Variants in ADAMTS18 observed in about 807,000 individuals in gnomAD.
The protein encoded by ADAMTS18 is ADAM metallopeptidase with thrombospondin type 1 motif 18.
A neutral mutation model predicts 165.9 loss-of-function variants in ADAMTS18; 157 were observed. The ratio of observed to expected loss-of-function variants is 0.95; its 90% CI spans 0.83 to 1.08. The LOEUF (loss-of-function observed/expected upper bound fraction) is 1.08. ADAMTS18 is among the 50% of genes least tolerant of loss of function. ADAMTS18 has a pLI of 0.00. For missense variants in ADAMTS18, 2,040 were observed against 1,534.0 expected (o/e 1.33, Z -5.51); for synonymous variants, 782 against 578.2 (o/e 1.35, Z -5.06).
rs758617798 is a variant in ADAMTS18 at position 77,289,271 on chromosome 16, T to C, written c.3543A>G (p.Glu1181=). The change falls in exon 22 of 23, where the codon GAA becomes GAG. Residue 1181 remains glutamate (E), a synonymous_variant. Transcript: ENST00000282849. ...AGCATGGTGCCTTTTTACCTCTCTT[T>C]TCAGGAGCTGGACAGAAGTTTGTAT... The part of the protein sequence containing the change: ...ACNTNFCPAP[E]KREDPSCVDF... The C allele has an allele frequency of 6.2e-7, 1 of 1,614,110 alleles. No individual in the cohort carries two copies.
At chr16:77,304,602 G>C (rs2055648381) in intron 16 of ADAMTS18, among the ~76,000 whole-genome samples, 1 of 152,124 alleles carries the variant, frequency 6.6e-6, no homozygotes, top group Non-Finnish European at 1.5e-5. Flanking sequence ...TAAAATCCTT[G>C]AACTAAAGGT....
At chr16:77,292,981 G>A in intron 20 of ADAMTS18, 95 bp downstream of exon 20, 1 of 1,520,108 alleles carries the variant, frequency 6.6e-7, no homozygotes, top group Non-Finnish European at 9.0e-7. Flanking sequence ...CACCTTGCCT[G>A]GCTAATTTTT....
chr16:77,295,490 C>A (rs2055452124), intron 18 of ADAMTS18, among the ~76,000 whole-genome samples: 1 of 152,150 alleles, frequency 6.6e-6, no homozygotes, highest in Non-Finnish European at 1.5e-5. Context: ...GCCTTCTTTC[C>A]ATTAAGGAGC....
chr16:77,401,530 G>C (rs576643734), intron 3 of ADAMTS18, among the ~76,000 whole-genome samples: 3 of 152,336 alleles, frequency 2.0e-5, no homozygotes, highest in Non-Finnish European at 2.9e-5. Flanking sequence ...TCTGGCTGCA[G>C]AGCCTCAGTC....
intron 3 of ADAMTS18, among the ~76,000 whole-genome samples, chr16:77,406,102 A>G (rs549336378): frequency 1.3e-5 from 2 of 152,324 alleles, no homozygotes; most frequent in East Asian, 3.9e-4. Context: ...TCTCACAAAC[A>G]TACAGATGTG....
intron 3 of ADAMTS18, among the ~76,000 whole-genome samples, chr16:77,416,914 C>A (rs1426324750): frequency 6.6e-6 from 1 of 152,082 alleles, no homozygotes; most frequent in Non-Finnish European, 1.5e-5. Context: ...GTCAGAATTG[C>A]GCATGTTTTT....
chr16:77,428,906 G>C (rs193080371), intron 3 of ADAMTS18, among the ~76,000 whole-genome samples: 43 of 152,090 alleles, frequency 2.8e-4, no homozygotes, highest in Non-Finnish European at 5.3e-4. Context: ...TTTATTCTTA[G>C]GCATGTATCC....
At chr16:77,381,019 T>A (rs175566) in intron 3 of ADAMTS18, among the ~76,000 whole-genome samples, 19,299 of 152,122 alleles carry the variant, frequency 0.13, 1,645 homozygotes, top group Non-Finnish European at 0.18. Context: ...GGATTACAAG[T>A]GCTGCCATCA....
chr16:77,308,644 T>A (rs1228237003), intron 16 of ADAMTS18, among the ~76,000 whole-genome samples: 3 of 151,414 alleles, frequency 2.0e-5, no homozygotes, highest in Admixed American at 6.6e-5. Flanking sequence ...AAACTGTGTA[T>A]GAAACAGGCC....
rs145779923 is a variant in ADAMTS18 at position 77,349,098 on chromosome 16, G to C, written c.1614+4635C>G. Among the ~76,000 whole-genome samples, 213 of 152,238 alleles carry C rather than the reference G, an allele frequency of 1.4e-3. 1 individual carries two copies. Among genetic ancestry groups the C allele is most frequent in the Non-Finnish European group, 2.6e-3 (180 of 68,020 alleles). On this transcript the variant is annotated intron_variant, in intron 10 of 22. Transcript: ENST00000282849. Reference sequence around the variant, plus strand: ...ATAGTATAATAGTATCAAATAGTATGATTCCATGCTAGGAAGTTTCTAATT... The same window carrying C: ...ATAGTATAATAGTATCAAATAGTATCATTCCATGCTAGGAAGTTTCTAATT...
intron 3 of ADAMTS18, among the ~76,000 whole-genome samples, chr16:77,389,749 A>G (rs958918733): frequency 2.7e-4 from 41 of 152,190 alleles, no homozygotes; most frequent in African/African-American, 9.6e-4. Flanking sequence ...AGAATGGGGG[A>G]AGGAACTCCA....
chr16:77,389,078 T>A (rs78318418), intron 3 of ADAMTS18, among the ~76,000 whole-genome samples: 5,564 of 152,240 alleles, frequency 0.037, 217 homozygotes, highest in East Asian at 0.19. Flanking sequence ...GGTTGGTGGA[T>A]AGTTTCAGCT....
intron 3 of ADAMTS18, among the ~76,000 whole-genome samples, chr16:77,383,126 G>T (rs1185981630): frequency 6.6e-6 from 1 of 152,112 alleles, no homozygotes; most frequent in Non-Finnish European, 1.5e-5. Context: ...TCTCATTCCA[G>T]TCTGGTCATG....
At position 77,282,259 on chromosome 16, in the gene ADAMTS18, C is replaced by CAAGTGAGA. The variant is rs1332302281; in HGVS notation, c.*1689_*1696dup. The CAAGTGAGA allele has an allele frequency of 6.6e-6, 1 of 151,934 alleles. No homozygotes were observed. Among genetic ancestry groups the CAAGTGAGA allele is most frequent in the African/African-American group, 2.4e-5 (1 of 41,396 alleles). The allele number at this position is 151,934 out of a possible 1,614,324, so 9.4% of individuals were successfully genotyped here. ...TATCTCAAAATATTACTTAGAGAAG[C>CAAGTGAGA]AAGTGAGAACACATAATAGGCTATT... On this transcript the variant is annotated 3_prime_UTR_variant, in exon 23 of 23. Transcript: ENST00000282849.
At chr16:77,377,959 T>C (rs2056976083) in intron 3 of ADAMTS18, among the ~76,000 whole-genome samples, 1 of 152,112 alleles carries the variant, frequency 6.6e-6, no homozygotes, top group African/African-American at 2.4e-5. Flanking sequence ...ATCAGAAAAA[T>C]TAAAGACTAA....
chr16:77,336,086 T>C (rs2056306452), intron 11 of ADAMTS18, among the ~76,000 whole-genome samples, 182 bp from the exon 12 acceptor site: 1 of 152,178 alleles, frequency 6.6e-6, no homozygotes, highest in South Asian at 2.1e-4. Context: ...ATTGACCACA[T>C]CCATTTTGAA....
chr16:77,376,749 AC>A (rs2144762281), intron 3 of ADAMTS18, among the ~76,000 whole-genome samples: 1 of 152,196 alleles, frequency 6.6e-6, no homozygotes, highest in East Asian at 1.9e-4. Flanking sequence ...TGAGAAAAAA[AC>A]AAGTGTTTTA....
At chr16:77,391,481 G>A (rs1338341740) in intron 3 of ADAMTS18, among the ~76,000 whole-genome samples, 133 of 144,274 alleles carry the variant, frequency 9.2e-4, no homozygotes, top group African/African-American at 2.8e-3. Context: ...AACAGCGCAA[G>A]ACTCAGTCTC....
At chr16:77,347,045 T>C (rs1410665031) in intron 10 of ADAMTS18, among the ~76,000 whole-genome samples, 3 of 152,222 alleles carry the variant, frequency 2.0e-5, no homozygotes, top group Non-Finnish European at 4.4e-5. Context: ...AAATTTCATA[T>C]AAATGGAACC....
Sources: allele counts gnomAD v4.1 joint callset (sites outside exome capture counted in the v4.1 genomes callset), GRCh38; gene constraint gnomAD v4.1.1; transcripts MANE v1.5; gene names NCBI Gene and HGNC (gene_info 2026-07-23, HGNC 2026-07-21).